DSP: variants seen among roughly 807,000 people sequenced by gnomAD.
DSP encodes 250/210 kDa paraneoplastic pemphigus antigen.
DSP carries 114 observed loss-of-function variants against 290.6 expected under a neutral mutation model. The ratio of observed to expected loss-of-function variants is 0.39; its 90% CI spans 0.34 to 0.46. DSP has a LOEUF of 0.46. DSP is among the 20% of genes least tolerant of loss of function. The pLI is 0.99. For missense variants in DSP, 3,230 were observed against 3,495.8 expected (o/e 0.92, Z 1.92); for synonymous variants, 1,311 against 1,316.4 (o/e 1.00, Z 0.09).
chr6:7,580,796 ACACGC>A lies in DSP; in HGVS notation c.4608_4612del (p.Arg1537GlufsTer5), dbSNP rs796620239. On this transcript the variant is annotated frameshift_variant, in exon 23 of 24. Coordinates refer to ENST00000379802, the MANE Select transcript of DSP (RefSeq NM_004415.4). LOFTEE classifies it high-confidence loss of function. This position sits in a 1 kb window ranked among gnomAD's most constrained non-coding sequence, Gnocchi z 4.2. ...ACTGAAGGTTCAGGAGCAAGAACTG[ACACGC>A]CTGAGGATCGACTATGAAAGGGTTT... 1 of 1,614,150 alleles carries A rather than the reference ACACGC, an allele frequency of 6.2e-7. No individual in the cohort carries two copies. The highest frequency in any genetic ancestry group is 8.5e-7 in the Non-Finnish European group (1 of 1,180,038).
chr6:7,544,653 G>T (rs576179675), intron 1 of DSP, among the ~76,000 whole-genome samples: 1 of 152,092 alleles, frequency 6.6e-6, no homozygotes, highest in Non-Finnish European at 1.5e-5. Flanking sequence ...AAATTTGAAT[G>T]TGTGGAGGGC....
Position 7,577,711 on chromosome 6 carries a change from A to ACTGTAGCTGTGGAACTATCGTAC in DSP, c.2878-58_2878-57insGGAACTATCGTACCTGTAGCTGT, listed in dbSNP as rs745730210. Reference sequence around the variant, plus strand: ...CAGCCCAATGATTTAAAACTGTGGAACTGTAGCTGTTAGTGATGCTTTTTA... The same window carrying ACTGTAGCTGTGGAACTATCGTAC: ...CAGCCCAATGATTTAAAACTGTGGAACTGTAGCTGTGGAACTATCGTACCTGTAGCTGTTAGTGATGCTTTTTA... On this transcript the variant is annotated intron_variant, in intron 20 of 23. Transcript: ENST00000379802. The ACTGTAGCTGTGGAACTATCGTAC allele has an allele frequency of 2.7e-4, 334 of 1,241,868 alleles. 2 individuals are homozygous for ACTGTAGCTGTGGAACTATCGTAC. The highest frequency in any genetic ancestry group is 3.7e-4 in the Non-Finnish European group (311 of 845,326). The allele number at this position is 1,241,868 out of a possible 1,614,324, so 76.9% of individuals were successfully genotyped here.
At position 7,580,830 on chromosome 6, in the gene DSP, A is replaced by C. The variant is rs755892966; in HGVS notation, c.4640A>C (p.Gln1547Pro). 6.2e-7 allele frequency: 1 copy of C among 1,614,176 alleles called. No individual in the cohort carries two copies. Residue 1547 changes from glutamine to proline, a missense_variant, in exon 23 of 24, where the codon CAG becomes CCG. By Grantham distance (76) the Gln-to-Pro change is moderately conservative. Transcript: ENST00000379802. The surrounding 1 kb of genome is among the most constrained non-coding windows in gnomAD (Gnocchi z 4.2). ...AGGATCGACTATGAAAGGGTTTCCC[A>C]GGAGAGGACTGTGAAGGACCAGGAT... The part of the protein sequence containing the change: ...RLRIDYERVS[Q>P]ERTVKDQDIT...
intron 4 of DSP, among the ~76,000 whole-genome samples, chr6:7,560,373 C>A (rs1478343283): frequency 6.6e-6 from 1 of 152,240 alleles, no homozygotes; most frequent in East Asian, 1.9e-4. Context: ...CTTTTTCTCC[C>A]ATTTATTATA....
In DSP at chr6:7,582,942, A is replaced by C; in HGVS notation, c.5680A>C (p.Ser1894Arg). Residue 1894 changes from serine to arginine, a missense_variant, in exon 24 of 24, where the codon AGT becomes CGT. Physicochemically the swap from Ser to Arg is moderately radical, Grantham distance 110 (BLOSUM62 -1). Transcript: ENST00000379802. The surrounding 1 kb of genome is among the most constrained non-coding windows in gnomAD (Gnocchi z 4.2). ...AGAAAAGAGTGAGAGAGAGAAGAAC[A>C]GTCTTAGGAGTGAGATCGAAAGACT... ...EREKSEREKN[S>R]LRSEIERLQA... 1 of 1,614,128 alleles carries C rather than the reference A, an allele frequency of 6.2e-7. No individual in the cohort carries two copies. Among genetic ancestry groups the C allele is most frequent in the Non-Finnish European group, 8.5e-7 (1 of 1,180,026 alleles).
At chr6:7,570,046 C>A (rs1034585482) in intron 12 of DSP, among the ~76,000 whole-genome samples, 9 of 152,096 alleles carry the variant, frequency 5.9e-5, no homozygotes, top group Admixed American at 3.9e-4. Context: ...TCCTTTAAAC[C>A]ATTTAGTATC....
In DSP at chr6:7,577,793, G is replaced by C; in HGVS notation, c.2892G>C (p.Gln964His). Residue 964 changes from glutamine (Q) to histidine (H), a missense_variant, in exon 21 of 24, where the codon CAG (glutamine) becomes CAC (histidine). Coordinates refer to ENST00000379802, the MANE Select transcript of DSP (RefSeq NM_004415.4). ...CANSIKDYEL[Q>H]LASYTSGLET... ...TTATGCTGCAGGATTATGAGCTCCA[G>C]CTGGCCTCATACACCTCAGGACTGG... 11 of 1,613,864 alleles carry C rather than the reference G, an allele frequency of 6.8e-6. No homozygotes were observed. The highest frequency in any genetic ancestry group is 9.3e-6 in the Non-Finnish European group (11 of 1,179,788).
Position 7,579,905 on chromosome 6 carries a change from C to T in DSP, c.3715C>T (p.Leu1239Phe), listed in dbSNP as rs752645827. The change falls in exon 23 of 24, where the codon CTT (leucine) becomes TTT (phenylalanine). Residue 1239 changes from leucine to phenylalanine, a missense_variant. Physicochemically the swap from Leu to Phe is conservative, Grantham distance 22. Around this residue, in one of 5 missense-constraint regions of DSP, gnomAD observed 1,714 missense variants for 1,844.5 expected, o/e 0.93. Transcript: ENST00000379802. This position sits in a 1 kb window ranked among gnomAD's most constrained non-coding sequence, Gnocchi z 4.1. ...TGATTCCAAAAATCTTAGAAACCAG[C>T]TTGATAGACTTTCAAGGGAAAATCG... ...EDDSKNLRNQLDRLSRENRDL... is the reference protein window; with the variant it reads ...EDDSKNLRNQFDRLSRENRDL... 16 of 1,613,950 alleles carry T rather than the reference C, an allele frequency of 9.9e-6. No individual in the cohort carries two copies. The highest frequency in any genetic ancestry group is 1.3e-5 in the African/African-American group (1 of 74,910).
At position 7,581,199 on chromosome 6, in the gene DSP, A is replaced by G. The variant is rs1052973336; in HGVS notation, c.5009A>G (p.Gln1670Arg). The change falls in exon 23 of 24, where the codon CAG (glutamine) becomes CGG (arginine). Residue 1670 changes from glutamine (Q) to arginine (R), a missense_variant. Transcript: ENST00000379802. ...GAGGCCCTGAGGCGGCAGTTACTCC[A>G]GGAACAGGAAAGTGTCAAACAAGCT... ...EVEALRRQLL[Q>R]EQESVKQAHL... 1.9e-6 allele frequency: 3 copies of G among 1,614,112 alleles called. No homozygotes were observed. Among genetic ancestry groups the G allele is most frequent in the Admixed American group, 1.7e-5 (1 of 60,010 alleles).
rs1196416496 is a variant in DSP at position 7,579,949 on chromosome 6, T to G, written c.3759T>G (p.Ile1253Met). The change falls in exon 23 of 24, where the codon ATT (isoleucine) becomes ATG (methionine). Residue 1253 changes from isoleucine to methionine, a missense_variant. Around this residue, in one of 5 missense-constraint regions of DSP, gnomAD observed 1,714 missense variants for 1,844.5 expected, o/e 0.93. Transcript: ENST00000379802. The surrounding 1 kb of genome is among the most constrained non-coding windows in gnomAD (Gnocchi z 4.1). ...SRENRDLKDE[I>M]VRLNDSILQA... ...AAAATCGAGATCTGAAGGATGAAAT[T>G]GTCAGGCTCAATGACAGCATCTTGC... The G allele has an allele frequency of 1.9e-6, 3 of 1,614,140 alleles. No homozygotes were observed. The highest frequency in any genetic ancestry group is 1.1e-5 in the South Asian group (1 of 91,084).
chr6:7,543,110 T>C (rs1031394402), intron 1 of DSP, among the ~76,000 whole-genome samples: 2 of 152,146 alleles, frequency 1.3e-5, no homozygotes, highest in African/African-American at 4.8e-5. Flanking sequence ...TCTCGGGAGC[T>C]GGACTCTAGA....
Position 7,585,328 on chromosome 6 carries a change from A to C in DSP, c.8066A>C (p.Lys2689Thr). ...VIDQDMATRL[K>T]PAQKAFIGFE... Reference sequence around the variant, plus strand: ...GACCAAGACATGGCCACCAGGCTGAAGCCTGCTCAGAAAGCCTTCATAGGC... The same window carrying C: ...GACCAAGACATGGCCACCAGGCTGACGCCTGCTCAGAAAGCCTTCATAGGC... Residue 2689 changes from lysine (K) to threonine (T), a missense_variant, in exon 24 of 24, where the codon AAG (lysine) becomes ACG (threonine). Coordinates refer to ENST00000379802, the MANE Select transcript of DSP (RefSeq NM_004415.4). The C allele has an allele frequency of 6.2e-7, 1 of 1,614,188 alleles. No individual in the cohort carries two copies. Among genetic ancestry groups the C allele is most frequent in the Middle Eastern group, 1.6e-4 (1 of 6,062 alleles).
intron 1 of DSP, among the ~76,000 whole-genome samples, 163 bp from the exon 2 acceptor site, chr6:7,555,554 AG>A (rs998704368): frequency 8.7e-4 from 132 of 152,340 alleles, no homozygotes; most frequent in Middle Eastern, 3.4e-3. Context: ...AGAGGGGAGA[AG>A]GGGGATAAAA....
chr6:7,549,428 C>T (rs759329569), intron 1 of DSP, among the ~76,000 whole-genome samples: 4 of 152,124 alleles, frequency 2.6e-5, no homozygotes, highest in Non-Finnish European at 5.9e-5. Flanking sequence ...GGATTACAGG[C>T]GTGAGCCACC....
chr6:7,542,161 G>T, intron 1 of DSP, 76 bp downstream of exon 1: 1 of 1,524,680 alleles, frequency 6.6e-7, no homozygotes, highest in Non-Finnish European at 8.9e-7. Context: ...GGACGACTGG[G>T]AGACTCGGGT....
In DSP at chr6:7,579,386, C is replaced by A. The variant is rs1256651534; in HGVS notation, c.3196C>A (p.Gln1066Lys). The change falls in exon 23 of 24, where the codon CAG becomes AAG. Residue 1066 changes from glutamine to lysine, a missense_variant. Physicochemically the swap from Gln to Lys is moderately conservative, Grantham distance 53. Transcript: ENST00000379802. The surrounding 1 kb of genome is among the most constrained non-coding windows in gnomAD (Gnocchi z 4.1). ...CCTGGATCAGAACCTGCAGAAATACCAGGCAGAGTGTTCCCAGTTCAAAGC... is the reference window on the plus strand; with the variant it reads ...CCTGGATCAGAACCTGCAGAAATACAAGGCAGAGTGTTCCCAGTTCAAAGC... The part of the protein sequence containing the change: ...KFLDQNLQKY[Q>K]AECSQFKAKL... The A allele has an allele frequency of 1.2e-6, 2 of 1,614,114 alleles. No homozygotes were observed. The highest frequency in any genetic ancestry group is 8.5e-7 in the Non-Finnish European group (1 of 1,180,030).
In DSP at chr6:7,585,970, G is replaced by A. The variant is rs1759660806; in HGVS notation, c.*92G>A. ...AGAAAAGAAAATCCCGGTGCTTGCAGTAGAGTGATAGGACATTCTATGCTT... is the reference window on the plus strand; with the variant it reads ...AGAAAAGAAAATCCCGGTGCTTGCAATAGAGTGATAGGACATTCTATGCTT... On this transcript the variant is annotated 3_prime_UTR_variant, in exon 24 of 24. Transcript: ENST00000379802. 2 of 1,295,070 alleles carry A rather than the reference G, an allele frequency of 1.5e-6. No homozygotes were observed. Among genetic ancestry groups the A allele is most frequent in the Non-Finnish European group, 2.2e-6 (2 of 906,888 alleles). 80.2% of individuals were successfully genotyped at this position (1,295,070 alleles called of 1,614,324 possible).
chr6:7,579,178 T>G lies in DSP; in HGVS notation c.3085-97T>G. The stretch of plus-strand genomic sequence containing the variant: ...GTATGTCCATGTGTGTAAAGAGAAA[T>G]AAGAATGCACATTGGTCTGGGAGGG... On this transcript the variant is annotated intron_variant, in intron 22 of 23. Transcript: ENST00000379802. The surrounding 1 kb of genome is among the most constrained non-coding windows in gnomAD (Gnocchi z 4.1). 83 of 1,506,520 alleles carry G rather than the reference T, an allele frequency of 5.5e-5. No homozygotes were observed. Among genetic ancestry groups the G allele is most frequent in the Middle Eastern group, 2.1e-4 (1 of 4,818 alleles). 93.3% of individuals were successfully genotyped at this position (1,506,520 alleles called of 1,614,324 possible).
chr6:7,582,672 C>A lies in DSP; in HGVS notation c.5410C>A (p.Gln1804Lys). 1 of 1,613,672 alleles carries A rather than the reference C, an allele frequency of 6.2e-7. No homozygotes were observed. Among genetic ancestry groups the A allele is most frequent in the South Asian group, 1.1e-5 (1 of 90,998 alleles). The part of the protein sequence containing the change: ...ASNRIQESKN[Q>K]CTQVVQERES... ...TAATAGGATTCAGGAATCAAAGAATCAGTGTACTCAGGTGGTACAGGAAAG... is the reference window on the plus strand; with the variant it reads ...TAATAGGATTCAGGAATCAAAGAATAAGTGTACTCAGGTGGTACAGGAAAG... Residue 1804 changes from glutamine (Q) to lysine (K), a missense_variant, in exon 24 of 24, where the codon CAG (glutamine) becomes AAG (lysine). Transcript: ENST00000379802. The surrounding 1 kb of genome is among the most constrained non-coding windows in gnomAD (Gnocchi z 4.2).
Sources: gnomAD v4.1 joint callset for allele counts (sites outside exome capture counted in the v4.1 genomes callset) on GRCh38, gnomAD v4.1.1 for gene constraint, gnomAD v4.1.1 regional missense constraint, Gnocchi (gnomAD v3.1) non-coding constraint, MANE v1.5 for transcripts, NCBI Gene and HGNC (gene_info 2026-07-23, HGNC 2026-07-21) for gene names.